The following MYH15 variants were observed in gnomAD, a reference collection of about 807,000 sequenced individuals.
The protein encoded by MYH15 is myosin-15.
A neutral mutation model predicts 240.5 loss-of-function variants in MYH15; 227 were observed. That is an observed-to-expected ratio of 0.94 (90% CI 0.85 to 1.05). MYH15 has a LOEUF of 1.05. Among genes scored for constraint, MYH15 ranks in the 50% least tolerant of loss-of-function variants. The pLI, the probability that MYH15 is intolerant of heterozygous loss-of-function variation, is 0.00. For synonymous variants in MYH15, 785 were observed against 796.7 expected, an observed-to-expected ratio of 0.99 and a Z score of 0.25; for missense variants, 2,217 against 2,247.5, an observed-to-expected ratio of 0.99 and a Z score of 0.27.
intron 30 of MYH15, among the ~76,000 whole-genome samples, chr3:108,411,787 G>A (rs752351017): frequency 6.6e-6 from 1 of 152,136 alleles, no homozygotes; most frequent in Non-Finnish European, 1.5e-5. Flanking sequence ...CAGAAAAAAA[G>A]GTTCTCCGGA....
At position 108,383,460 on chromosome 3, in the gene MYH15, T is replaced by C; in HGVS notation, c.5766+135A>G. On this transcript the variant is annotated intron_variant, in intron 40 of 40. Coordinates refer to ENST00000693548, the MANE Select transcript of MYH15 (RefSeq NM_014981.3). ...TTTAGCAAACATGGGAAGATTTTAT[T>C]GGAACCCTTTGTTCTTATCTTTTAA... 3 of 906,008 alleles carry C rather than the reference T, an allele frequency of 3.3e-6. No homozygotes were observed. In the South Asian group the frequency reaches 7.7e-5, roughly 23 times the overall value. 56.1% of individuals were successfully genotyped at this position (906,008 alleles called of 1,614,324 possible).
chr3:108,509,682 C>A (rs2107251860), intron 1 of MYH15, among the ~76,000 whole-genome samples: 1 of 152,310 alleles, frequency 6.6e-6, no homozygotes, highest in South Asian at 2.1e-4. Context: ...ATGTAGGTAG[C>A]TTCATGTTAT....
intron 10 of MYH15, 124 bp from the exon 11 acceptor site, chr3:108,485,353 A>C: frequency 2.8e-6 from 3 of 1,072,404 alleles, no homozygotes; most frequent in Non-Finnish European, 4.1e-6. Flanking sequence ...GCTCTGTTCA[A>C]AGCAATGCAA....
At chr3:108,545,601 GT>G in the MYH15 span, among the ~76,000 whole-genome samples, 2 of 151,864 alleles carry the variant, frequency 1.3e-5, no homozygotes, top group Admixed American at 1.3e-4. Context: ...GTTTTAAAAA[GT>G]TAAAGTAACA....
At chr3:108,390,154 G>T (rs921497141) in intron 37 of MYH15, among the ~76,000 whole-genome samples, 1 of 148,286 alleles carries the variant, frequency 6.7e-6, no homozygotes, top group Non-Finnish European at 1.5e-5. Context: ...AAGAATTTTG[G>T]GGGGGGATTA....
chr3:108,530,470 T>C (rs2083704288), upstream of MYH15, among the ~76,000 whole-genome samples: 1 of 152,186 alleles, frequency 6.6e-6, no homozygotes, highest in East Asian at 1.9e-4. Context: ...TAGGGGATTT[T>C]TTAGGGCAGT....
At chr3:108,494,741 A>G (rs953186142) in intron 7 of MYH15, among the ~76,000 whole-genome samples, 1 of 152,106 alleles carries the variant, frequency 6.6e-6, no homozygotes, top group African/African-American at 2.4e-5. Context: ...TGATCCGCCC[A>G]CTTCAGCCTC....
At chr3:108,524,271 T>TTA (rs2083648527) in intron 1 of MYH15, among the ~76,000 whole-genome samples, 1 of 152,064 alleles carries the variant, frequency 6.6e-6, no homozygotes, top group East Asian at 1.9e-4. Context: ...TATTTCATTG[T>TTA]TAGTTTAATT....
chr3:108,415,865 T>C (rs575365083), intron 29 of MYH15, among the ~76,000 whole-genome samples: 1 of 152,256 alleles, frequency 6.6e-6, no homozygotes, highest in African/African-American at 2.4e-5. Context: ...TCAGGGGGGC[T>C]TGTAGGCCAA....
At chr3:108,444,523 C>T in intron 22 of MYH15, 117 bp downstream of exon 22, 1 of 1,183,222 alleles carries the variant, frequency 8.5e-7, no homozygotes, top group Non-Finnish European at 1.2e-6. Context: ...TTATAAAATC[C>T]TTTGGTATTT....
chr3:108,517,426 G>A (rs570531774), intron 1 of MYH15, among the ~76,000 whole-genome samples: 120 of 152,120 alleles, frequency 7.9e-4, no homozygotes, highest in Middle Eastern at 3.4e-3. Flanking sequence ...TCTGACTCCC[G>A]GGTTCAAGTG....
upstream of MYH15, among the ~76,000 whole-genome samples, chr3:108,532,086 AAGAG>A (rs1299347244): frequency 6.6e-6 from 1 of 152,150 alleles, no homozygotes; most frequent in African/African-American, 2.4e-5. Flanking sequence ...AAAGAGAAAA[AAGAG>A]AGATCAAAAT....
intron 29 of MYH15, among the ~76,000 whole-genome samples, chr3:108,414,952 T>C (rs1209702869): frequency 6.6e-6 from 1 of 152,246 alleles, no homozygotes; most frequent in East Asian, 1.9e-4. Context: ...GAAAATGTTC[T>C]CTATGTACAC....
upstream of MYH15, among the ~76,000 whole-genome samples, chr3:108,530,417 T>C (rs887559705): frequency 6.6e-6 from 1 of 152,198 alleles, no homozygotes; most frequent in African/African-American, 2.4e-5. Context: ...ATATCAGTGA[T>C]TTCCAGGGAG....
At chr3:108,522,357 A>G (rs1427060243) in intron 1 of MYH15, among the ~76,000 whole-genome samples, 1 of 152,092 alleles carries the variant, frequency 6.6e-6, no homozygotes, top group Non-Finnish European at 1.5e-5. Flanking sequence ...TTCCTAGGGC[A>G]TTATTATAAC....
the MYH15 span, among the ~76,000 whole-genome samples, chr3:108,542,882 T>C: frequency 1.0e-4 from 6 of 58,394 alleles, no homozygotes; most frequent in Admixed American, 7.1e-4. Context: ...ATCTCGTTCC[T>C]TTTTTTTTTT....
At chr3:108,465,584 C>T (rs377243514) in intron 14 of MYH15, among the ~76,000 whole-genome samples, 44 of 152,274 alleles carry the variant, frequency 2.9e-4, no homozygotes, top group African/African-American at 9.9e-4. Flanking sequence ...GTCCTGCCTG[C>T]ACTCTGTACT....
At chr3:108,502,927 A>T (rs888201587) in intron 2 of MYH15, among the ~76,000 whole-genome samples, 5 of 152,134 alleles carry the variant, frequency 3.3e-5, no homozygotes, top group African/African-American at 1.2e-4. Context: ...TACATCTTCA[A>T]AAACCTCCCC....
chr3:108,537,045 A>G, the MYH15 span, among the ~76,000 whole-genome samples: 1 of 152,238 alleles, frequency 6.6e-6, no homozygotes, highest in Non-Finnish European at 1.5e-5. Flanking sequence ...CTCTCCCTGC[A>G]ATTGGATGGG....
Sources: gnomAD v4.1 joint callset for allele counts (sites outside exome capture counted in the v4.1 genomes callset) on GRCh38, gnomAD v4.1.1 for gene constraint, MANE v1.5 for transcripts, NCBI Gene and HGNC (gene_info 2026-07-23, HGNC 2026-07-21) for gene names.